PIK3C2G: variants seen among roughly 807,000 people sequenced by gnomAD.
PIK3C2G encodes the protein phosphatidylinositol-4-phosphate 3-kinase catalytic subunit type 2 gamma.
In PIK3C2G, 168 loss-of-function variants were observed where a neutral mutation model predicts 181.1. The observed-to-expected ratio is 0.93, with a 90% CI of 0.82 to 1.05. PIK3C2G has a LOEUF of 1.05. PIK3C2G is among the 50% of genes least tolerant of loss of function. The pLI is 0.00. For missense variants in PIK3C2G, 1,869 were observed against 1,732.8 expected, an observed-to-expected ratio of 1.08 and a Z score of -1.40; for synonymous variants, 573 against 592.2, an observed-to-expected ratio of 0.97 and a Z score of 0.47.
At position 18,282,602 on chromosome 12, in the gene PIK3C2G, G is replaced by A. The variant is rs756034394; in HGVS notation, c.521G>A (p.Ser174Asn). ...AACTACCATATAGGATTTGAAAGTA[G>A]CATTCCTCCAACAAATTCATCCTTC... is the stretch of plus-strand genomic sequence containing the variant. ...NHNYHIGFESSIPPTNSSFSS... is the reference protein window; with the variant it reads ...NHNYHIGFESNIPPTNSSFSS... Residue 174 changes from serine (S) to asparagine (N), a missense_variant, in exon 2 of 33, where the codon AGC becomes AAC. Transcript: ENST00000538779. The A allele has an allele frequency of 1.9e-6, 3 of 1,613,094 alleles. No homozygotes were observed. The highest frequency in any genetic ancestry group is 2.5e-6 in the Non-Finnish European group (3 of 1,179,296).
chr12:18,670,016 C>A, the PIK3C2G span, among the ~76,000 whole-genome samples: 1 of 151,982 alleles, frequency 6.6e-6, no homozygotes, highest in Non-Finnish European at 1.5e-5. Context: ...TGGCTCAGCC[C>A]TTATGTCTTA....
intron 24 of PIK3C2G, among the ~76,000 whole-genome samples, chr12:18,523,501 A>G (rs965297110): frequency 2.0e-4 from 31 of 152,192 alleles, no homozygotes; most frequent in African/African-American, 5.5e-4. Context: ...TACTTCATTT[A>G]TAGGTAATTA....
intron 21 of PIK3C2G, among the ~76,000 whole-genome samples, chr12:18,496,900 G>C (rs1941059260): frequency 6.6e-6 from 1 of 151,904 alleles, no homozygotes; most frequent in African/African-American, 2.4e-5. Flanking sequence ...TTCATGAAGG[G>C]GAAAAAAGAA....
chr12:18,490,760 G>A (rs753094932), intron 19 of PIK3C2G, among the ~76,000 whole-genome samples: 5 of 152,022 alleles, frequency 3.3e-5, no homozygotes, highest in Non-Finnish European at 7.4e-5. Flanking sequence ...ATGTGAAAGT[G>A]GACTAAAAGA....
chr12:18,374,607 G>T (rs1942307423), intron 13 of PIK3C2G, among the ~76,000 whole-genome samples: 2 of 152,176 alleles, frequency 1.3e-5, no homozygotes, highest in African/African-American at 4.8e-5. Flanking sequence ...GCTCTTAGGT[G>T]CCATGCCTTA....
the PIK3C2G span, chr12:18,715,929 A>T: frequency 6.6e-6 from 1 of 152,280 alleles, no homozygotes; most frequent in East Asian, 1.9e-4. Flanking sequence ...GGAGAAATGG[A>T]CCTAGAATAT....
downstream of PIK3C2G, among the ~76,000 whole-genome samples, chr12:18,650,702 GTGTA>G (rs1251315106): frequency 1.8e-3 from 50 of 27,688 alleles, 1 homozygote; most frequent in East Asian, 0.019. Context: ...GTGTGTGTGT[GTGTA>G]TATATCTATA....
intron 19 of PIK3C2G, among the ~76,000 whole-genome samples, chr12:18,490,313 G>A (rs911421819): frequency 3.4e-4 from 52 of 152,242 alleles, no homozygotes; most frequent in African/African-American, 1.2e-3. Context: ...GGAGTAAAAG[G>A]TAAGAAACTC....
the PIK3C2G span, among the ~76,000 whole-genome samples, chr12:18,699,171 C>T: frequency 6.6e-6 from 1 of 152,180 alleles, no homozygotes; most frequent in Non-Finnish European, 1.5e-5. Context: ...GTGGGGCATG[C>T]ACACTCTGCA....
chr12:18,438,014 T>A (rs965211608), intron 18 of PIK3C2G, among the ~76,000 whole-genome samples: 14 of 151,898 alleles, frequency 9.2e-5, no homozygotes, highest in Admixed American at 2.0e-4. Context: ...TATAAACAAG[T>A]TATAATAAAC....
chr12:18,321,277 T>A (rs1951096774), intron 7 of PIK3C2G, among the ~76,000 whole-genome samples: 1 of 152,260 alleles, frequency 6.6e-6, no homozygotes, highest in Non-Finnish European at 1.5e-5. Flanking sequence ...TGCTGCTGGT[T>A]ATTACATTTT....
chr12:18,448,415 A>G (rs1947150869), intron 18 of PIK3C2G, among the ~76,000 whole-genome samples: 1 of 152,166 alleles, frequency 6.6e-6, no homozygotes, highest in South Asian at 2.1e-4. Flanking sequence ...AAGAGCACTT[A>G]AAATCTACGT....
intron 29 of PIK3C2G, among the ~76,000 whole-genome samples, chr12:18,587,963 C>T (rs1592654665): frequency 6.6e-6 from 1 of 151,974 alleles, no homozygotes; most frequent in South Asian, 2.1e-4. Context: ...ACACCTATAG[C>T]CAACCGTTTT....
intron 18 of PIK3C2G, among the ~76,000 whole-genome samples, chr12:18,441,974 A>G (rs1051545928): frequency 1.3e-5 from 2 of 152,176 alleles, no homozygotes; most frequent in African/African-American, 4.8e-5. Context: ...ATATAAAAAT[A>G]TGAAACTTTA....
chr12:18,499,030 T>A (rs899505347), intron 22 of PIK3C2G, among the ~76,000 whole-genome samples: 1 of 152,218 alleles, frequency 6.6e-6, no homozygotes, highest in African/African-American at 2.4e-5. Context: ...TCTCCAGATA[T>A]TGAATAAATT....
At chr12:18,676,889 A>G in the PIK3C2G span, among the ~76,000 whole-genome samples, 20 of 152,278 alleles carry the variant, frequency 1.3e-4, no homozygotes, top group East Asian at 3.7e-3. Context: ...AGGAAGATCT[A>G]TGCATTCCTC....
chr12:18,370,523 C>T (rs148118795), intron 12 of PIK3C2G, among the ~76,000 whole-genome samples: 1 of 152,302 alleles, frequency 6.6e-6, no homozygotes, highest in African/African-American at 2.4e-5. Context: ...AAAAAACTCT[C>T]TACACTTTGG....
At chr12:18,494,999 A>T (rs1257653364) in intron 20 of PIK3C2G, among the ~76,000 whole-genome samples, 1 of 151,422 alleles carries the variant, frequency 6.6e-6, no homozygotes, top group Non-Finnish European at 1.5e-5. Context: ...CATCTCTTAA[A>T]CTCTTGCTTA....
At chr12:18,329,398 T>C (rs984625618) in intron 8 of PIK3C2G, among the ~76,000 whole-genome samples, 3 of 151,972 alleles carry the variant, frequency 2.0e-5, no homozygotes, top group Non-Finnish European at 4.4e-5. Flanking sequence ...CTCTCCTCTA[T>C]GTAAAAGGTC....
Sources: gnomAD v4.1 joint callset for allele counts (sites outside exome capture counted in the v4.1 genomes callset) on GRCh38, gnomAD v4.1.1 for gene constraint, MANE v1.5 for transcripts, NCBI Gene and HGNC (gene_info 2026-07-23, HGNC 2026-07-21) for gene names.